SCRN3: variants seen among roughly 807,000 people sequenced by gnomAD.
SCRN3 encodes secernin-3.
In SCRN3, 39 loss-of-function variants were observed where a neutral mutation model predicts 43.1. The observed-to-expected ratio is 0.91, with a 90% confidence interval of 0.70 to 1.18. The LOEUF is 1.18. SCRN3 is among the 50% of genes most tolerant of loss of function. The pLI, the probability that SCRN3 is intolerant of heterozygous loss-of-function variation, is 0.00. For synonymous variants in SCRN3, 147 were observed against 163.1 expected (o/e 0.90, Z 0.75); for missense variants, 484 against 498.0 (o/e 0.97, Z 0.27).
chr2:174,404,233 A>G lies in SCRN3; in HGVS notation c.672A>G (p.Ala224=), dbSNP rs200821784. 34 of 1,613,948 alleles carry G rather than the reference A, an allele frequency of 2.1e-5. 1 individual carries two copies. In the East Asian group the frequency reaches 5.3e-4, roughly 25 times the overall value. Residue 224 remains alanine (A), a synonymous_variant, in exon 5 of 8, where the codon GCA becomes GCG. Coordinates refer to ENST00000272732, the MANE Select transcript of SCRN3 (RefSeq NM_024583.5). ...AAAAGGAGTTTGATTTTGCTGCAGC[A>G]TATTCCTATCTTGACACAGCCAAGA... is the stretch of plus-strand genomic sequence containing the variant. ...DGKKEFDFAA[A]YSYLDTAKMM...
chr2:174,399,898 A>ATTT (rs1685442710), intron 2 of SCRN3, 24 bp from the exon 3 acceptor site: 1 of 909,046 alleles, frequency 1.1e-6, no homozygotes, highest in African/African-American at 2.2e-5. Context: ...TCTTGCTATG[A>ATTT]CTTTTTTTTT....
Position 174,406,066 on chromosome 2 carries a change from A to G in SCRN3, c.754+1751A>G, listed in dbSNP as rs368349467. Among the ~76,000 whole-genome samples the G allele has an allele frequency of 9.9e-3, 1,321 of 133,040 alleles. 68 individuals are homozygous for G. The highest frequency in any genetic ancestry group is 0.032 in the African/African-American group (1,237 of 39,076). The allele number at this position is 133,040 out of a possible 152,430, so 87.3% of individuals were successfully genotyped here. A position where few individuals can be genotyped will look rare whatever the true frequency, so the allele number is the denominator to read the frequency against. On this transcript the variant is annotated intron_variant, in intron 5 of 7. Transcript: ENST00000272732. Reference sequence around the variant, plus strand: ...CCTTGGGCAGTATGGCCATTTTCACAATATTGATTCTTCCTACCCATAAGC... The same window carrying G: ...CCTTGGGCAGTATGGCCATTTTCACGATATTGATTCTTCCTACCCATAAGC...
chr2:174,427,039 G>T (rs190674015), intron 7 of SCRN3, among the ~76,000 whole-genome samples: 1 of 151,872 alleles, frequency 6.6e-6, no homozygotes, highest in Admixed American at 6.6e-5. Context: ...TACCATATTG[G>T]CAGGCTGGTC....
At chr2:174,413,883 A>C (rs1686014086) in intron 5 of SCRN3, among the ~76,000 whole-genome samples, 1 of 148,460 alleles carries the variant, frequency 6.7e-6, no homozygotes, top group African/African-American at 2.5e-5. Flanking sequence ...GAGCCACCGC[A>C]CCCAGCCTGC....
chr2:174,427,604 C>T (rs1385591584), intron 7 of SCRN3, 109 bp from the exon 8 acceptor site: 9 of 547,502 alleles, frequency 1.6e-5, no homozygotes, highest in Non-Finnish European at 2.7e-5. Context: ...GGAACCAAAC[C>T]ACAATCAGAA....
intron 5 of SCRN3, among the ~76,000 whole-genome samples, chr2:174,420,372 G>A (rs760879895): frequency 7.2e-5 from 11 of 152,170 alleles, no homozygotes; most frequent in Non-Finnish European, 1.2e-4. Flanking sequence ...CTATCTGGTT[G>A]CCAAAAGAAT....
chr2:174,430,060 C>T (rs894822141), downstream of SCRN3, among the ~76,000 whole-genome samples: 29 of 152,172 alleles, frequency 1.9e-4, no homozygotes, highest in African/African-American at 2.9e-4. Context: ...ATAAACCTGC[C>T]GTAGACATCC....
intron 5 of SCRN3, among the ~76,000 whole-genome samples, chr2:174,406,443 C>G (rs1395237621): frequency 7.3e-6 from 1 of 136,882 alleles, no homozygotes; most frequent in African/African-American, 2.5e-5. Context: ...AATTGAATAC[C>G]CTTTATTTCC....
At position 174,404,215 on chromosome 2, in the gene SCRN3, G is replaced by A. The variant is rs1410195816; in HGVS notation, c.654G>A (p.Glu218=). 25 of 1,613,774 alleles carry A rather than the reference G, an allele frequency of 1.5e-5. No individual in the cohort carries two copies. The highest frequency in any genetic ancestry group is 1.1e-4 in the African/African-American group (8 of 74,898). ...KRKGWWDGKK[E]FDFAAAYSYL... ...AAGGTTGGTGGGATGGTAAAAAGGAGTTTGATTTTGCTGCAGCATATTCCT... is the reference window on the plus strand; with the variant it reads ...AAGGTTGGTGGGATGGTAAAAAGGAATTTGATTTTGCTGCAGCATATTCCT... Residue 218 remains glutamate (E), a synonymous_variant, in exon 5 of 8, where the codon GAG becomes GAA. Transcript: ENST00000272732.
intron 5 of SCRN3, among the ~76,000 whole-genome samples, chr2:174,411,609 C>T (rs11677078): frequency 0.19 from 29,557 of 151,970 alleles, 3,341 homozygotes; most frequent in Middle Eastern, 0.37. Flanking sequence ...TCGTTAAGCA[C>T]GTTTAGCATC....
chr2:174,427,606 C>A, intron 7 of SCRN3, 107 bp from the exon 8 acceptor site: 1 of 551,682 alleles, frequency 1.8e-6, no homozygotes, highest in Non-Finnish European at 2.9e-6. Context: ...AACCAAACCA[C>A]AATCAGAAGC....
intron 5 of SCRN3, among the ~76,000 whole-genome samples, chr2:174,421,895 G>A (rs1686306508): frequency 2.0e-5 from 3 of 151,912 alleles, no homozygotes; most frequent in Non-Finnish European, 4.4e-5. Context: ...ATTGGTAAGT[G>A]GTAAAGAGTT....
At chr2:174,429,675 A>C (rs944110355), downstream of SCRN3, 18 of 152,314 alleles carry the variant, frequency 1.2e-4, no homozygotes, top group African/African-American at 3.8e-4. Flanking sequence ...TTGATGTAGT[A>C]CATCCTATGG....
chr2:174,424,737 CCTT>C (rs1161127443), intron 7 of SCRN3, 88 bp downstream of exon 7: 1 of 965,626 alleles, frequency 1.0e-6, no homozygotes, highest in East Asian at 2.6e-5. Flanking sequence ...AGCTTTCCTC[CCTT>C]CTTATAAGAA....
chr2:174,396,100 C>G (rs993634914), intron 1 of SCRN3: 1 of 1,066,714 alleles, frequency 9.4e-7, no homozygotes, highest in Non-Finnish European at 1.2e-6. Context: ...CCGGCCCTAA[C>G]CGTAGTATGC....
Position 174,428,900 on chromosome 2 carries a change from T to A in SCRN3, c.*1005T>A, listed in dbSNP as rs982983624. On this transcript the variant is annotated 3_prime_UTR_variant, in exon 8 of 8. Coordinates refer to ENST00000272732, the MANE Select transcript of SCRN3 (RefSeq NM_024583.5). ...ATCCAACTGAAAATAACACTAAGTA[T>A]TTTTGAGTTCCTAGAATGTCCATTT... The A allele has an allele frequency of 1.3e-5, 2 of 152,150 alleles. No homozygotes were observed. Among genetic ancestry groups the A allele is most frequent in the Non-Finnish European group, 2.9e-5 (2 of 68,018 alleles). 9.4% of individuals were successfully genotyped at this position (152,150 alleles called of 1,614,324 possible).
At chr2:174,425,296 A>G (rs1357541744) in intron 7 of SCRN3, among the ~76,000 whole-genome samples, 1 of 152,208 alleles carries the variant, frequency 6.6e-6, no homozygotes, top group Non-Finnish European at 1.5e-5. Flanking sequence ...AGGTCATTTT[A>G]TAATGTCTAT....
chr2:174,404,000 ATATT>A, intron 4 of SCRN3, 99 bp from the exon 5 acceptor site: 1 of 833,478 alleles, frequency 1.2e-6, no homozygotes, highest in Non-Finnish European at 1.9e-6. Flanking sequence ...TTAGAAGTCT[ATATT>A]TATGTTTACA....
intron 3 of SCRN3, among the ~76,000 whole-genome samples, chr2:174,400,712 G>A (rs905019479): frequency 6.6e-5 from 10 of 152,138 alleles, no homozygotes; most frequent in Admixed American, 5.9e-4. Context: ...ATGGGCTATC[G>A]TGCTCATTTT....
Sources: gnomAD v4.1 joint callset for allele counts (sites outside exome capture counted in the v4.1 genomes callset) on GRCh38, gnomAD v4.1.1 for gene constraint, MANE v1.5 for transcripts, NCBI Gene and HGNC (gene_info 2026-07-23, HGNC 2026-07-21) for gene names.